The following VPS13B variants were observed in gnomAD, a reference collection of about 807,000 sequenced individuals.
VPS13B encodes the protein intermembrane lipid transfer protein VPS13B.
In VPS13B, 285 loss-of-function variants were observed where a neutral mutation model predicts 426.4. That is an observed-to-expected ratio of 0.67 (90% confidence interval 0.61 to 0.74). VPS13B has a LOEUF of 0.74. Ranked by LOEUF, VPS13B falls within the 30% of genes least tolerant of loss-of-function variation. The pLI is 0.00. For synonymous variants in VPS13B, 1,676 were observed against 1,676.4 expected (o/e 1.00, Z 0.01); for missense variants, 4,537 against 4,782.6 (o/e 0.95, Z 1.51).
chr8:99,596,341 T>C (rs1827012132), intron 33 of VPS13B, among the ~76,000 whole-genome samples: 1 of 151,990 alleles, frequency 6.6e-6, no homozygotes, highest in Non-Finnish European at 1.5e-5. Context: ...CAGAGAAGTT[T>C]ATTGTGAAAA....
intron 19 of VPS13B, among the ~76,000 whole-genome samples, chr8:99,383,923 T>C (rs142398906): frequency 2.3e-4 from 35 of 152,318 alleles, no homozygotes; most frequent in African/African-American, 8.2e-4. Context: ...ATATGAGCAT[T>C]TGAATACAAG....
In VPS13B at chr8:99,699,649, T is replaced by G; in HGVS notation, c.6171T>G (p.Thr2057=). ...NAHSLAHSEE[T]SAMSNTMVNK... Reference sequence around the variant, plus strand: ...ACAGTTTGGCACATAGTGAAGAGACTTCAGCCATGTCCAACACCATGGTGA... The same window carrying G: ...ACAGTTTGGCACATAGTGAAGAGACGTCAGCCATGTCCAACACCATGGTGA... The change falls in exon 36 of 62, where the codon ACT becomes ACG. Residue 2057 remains threonine, a synonymous_variant. Transcript: ENST00000357162. 1 of 1,614,162 alleles carries G rather than the reference T, an allele frequency of 6.2e-7. No individual in the cohort carries two copies. Among genetic ancestry groups the G allele is most frequent in the South Asian group, 1.1e-5 (1 of 91,080 alleles).
At chr8:99,446,725 C>A (rs1264607233) in intron 23 of VPS13B, among the ~76,000 whole-genome samples, 2 of 152,082 alleles carry the variant, frequency 1.3e-5, no homozygotes, top group Non-Finnish European at 2.9e-5. Flanking sequence ...GTCTAACATA[C>A]AGAAAATGGT....
At chr8:99,472,856 T>G (rs1429710856) in intron 24 of VPS13B, among the ~76,000 whole-genome samples, 1 of 151,954 alleles carries the variant, frequency 6.6e-6, no homozygotes, top group Non-Finnish European at 1.5e-5. Flanking sequence ...TTGATAACAT[T>G]AAAAGCATAA....
intron 3 of VPS13B, among the ~76,000 whole-genome samples, chr8:99,048,382 G>A (rs369763306): frequency 1.5e-3 from 236 of 152,302 alleles, no homozygotes; most frequent in African/African-American, 5.2e-3. Flanking sequence ...CCAGGGTATA[G>A]TTTAAATCCA....
intron 22 of VPS13B, among the ~76,000 whole-genome samples, chr8:99,432,704 T>G (rs1418894409): frequency 6.6e-6 from 1 of 152,232 alleles, no homozygotes; most frequent in Non-Finnish European, 1.5e-5. Context: ...TGGAAGAAGC[T>G]GAAATTATAA....
At chr8:99,131,635 TAC>T (rs1312996550) in intron 8 of VPS13B, among the ~76,000 whole-genome samples, 7 of 152,208 alleles carry the variant, frequency 4.6e-5, no homozygotes, top group Non-Finnish European at 8.8e-5. Context: ...CCACTATATA[TAC>T]CTTAATTAAA....
Position 99,115,854 on chromosome 8 carries a change from A to C in VPS13B, c.917A>C (p.Asp306Ala). Residue 306 changes from aspartate to alanine, a missense_variant, in exon 7 of 62, where the codon GAT becomes GCT. This residue lies in a region of VPS13B where 4,311 missense variants were observed against 4,474.3 expected (regional missense o/e 0.96). Transcript: ENST00000357162. ...EIEDLTCHNK[D>A]MLGNITGSED... is the part of the protein sequence containing the mutation. ...GAGGACCTTACTTGTCATAATAAAG[A>C]TATGCTAGGAAACATTACAGGTAAT... The C allele has an allele frequency of 6.2e-7, 1 of 1,613,316 alleles. No individual in the cohort carries two copies.
At chr8:99,325,551 T>C (rs1810204634) in intron 19 of VPS13B, among the ~76,000 whole-genome samples, 1 of 152,240 alleles carries the variant, frequency 6.6e-6, no homozygotes, top group African/African-American at 2.4e-5. Flanking sequence ...GTGAAATGTA[T>C]TATTCAAAGC....
intron 23 of VPS13B, among the ~76,000 whole-genome samples, chr8:99,444,239 C>T (rs146624200): frequency 4.6e-5 from 7 of 152,194 alleles, no homozygotes; most frequent in African/African-American, 1.7e-4. Flanking sequence ...GCTGGGACTA[C>T]AGGCACTTGC....
chr8:99,308,546 A>G (rs1417767435), intron 19 of VPS13B, among the ~76,000 whole-genome samples: 1 of 152,162 alleles, frequency 6.6e-6, no homozygotes, highest in Non-Finnish European at 1.5e-5. Flanking sequence ...TCCATGGTGT[A>G]TATGTGCCAC....
chr8:99,413,906 G>A (rs1815836344), intron 21 of VPS13B, among the ~76,000 whole-genome samples: 1 of 152,186 alleles, frequency 6.6e-6, no homozygotes, highest in African/African-American at 2.4e-5. Flanking sequence ...ATATTCTGTT[G>A]ATTTGGGGTG....
chr8:99,561,688 A>G (rs1824930009), intron 31 of VPS13B, among the ~76,000 whole-genome samples: 1 of 152,208 alleles, frequency 6.6e-6, no homozygotes, highest in African/African-American at 2.4e-5. Flanking sequence ...AGGTTAAGCT[A>G]TGATGTTTGA....
chr8:99,023,433 A>G (rs1563488575), intron 2 of VPS13B, among the ~76,000 whole-genome samples: 1 of 151,286 alleles, frequency 6.6e-6, no homozygotes, highest in African/African-American at 2.4e-5. Flanking sequence ...TTTTTCTGGC[A>G]TAATAGTATT....
chr8:99,604,740 T>C (rs1827493788), intron 33 of VPS13B, among the ~76,000 whole-genome samples: 1 of 152,112 alleles, frequency 6.6e-6, no homozygotes, highest in African/African-American at 2.4e-5. Context: ...TCCACCCGCC[T>C]CGGCCCCCCA....
Position 99,809,533 on chromosome 8 carries a change from A to G in VPS13B, c.8097+3A>G. 1 of 1,613,970 alleles carries G rather than the reference A, an allele frequency of 6.2e-7. No homozygotes were observed. Among genetic ancestry groups the G allele is most frequent in the Non-Finnish European group, 8.5e-7 (1 of 1,179,916 alleles). Reference sequence around the variant, plus strand: ...AACTCAATGGAGTACAAAAACAGGTAAGTTTCTTTGTGTTCATGACCCAGA... The same window carrying G: ...AACTCAATGGAGTACAAAAACAGGTGAGTTTCTTTGTGTTCATGACCCAGA... On this transcript the variant is annotated splice_donor_region_variant and intron_variant, in intron 44 of 61. Transcript: ENST00000357162.
At position 99,846,189 on chromosome 8, in the gene VPS13B, A is replaced by C. The variant is rs550445895; in HGVS notation, c.9943-2587A>C. On this transcript the variant is annotated intron_variant, in intron 54 of 61. Coordinates refer to ENST00000357162, the MANE Select transcript of VPS13B (RefSeq NM_152564.5). ...GTTGTAAGTACTGAAGAAAACACAC[A>C]CAAAACCATTGCCCTCATGGAACTT... is the stretch of plus-strand genomic sequence containing the variant. Among the ~76,000 whole-genome samples the C allele has an allele frequency of 1.2e-3, 188 of 152,336 alleles. 2 individuals are homozygous for C. The highest frequency in any genetic ancestry group is 3.5e-3 in the Admixed American group (53 of 15,306).
intron 30 of VPS13B, among the ~76,000 whole-genome samples, chr8:99,548,452 A>G (rs1824105364): frequency 6.6e-6 from 1 of 152,090 alleles, no homozygotes; most frequent in South Asian, 2.1e-4. Context: ...GAGATGTGAA[A>G]TATCTTTCAG....
intron 19 of VPS13B, among the ~76,000 whole-genome samples, chr8:99,380,584 C>A (rs1813741496): frequency 6.6e-6 from 1 of 151,906 alleles, no homozygotes; most frequent in South Asian, 2.1e-4. Context: ...AATAGAACTA[C>A]ATGGTAGAAT....
Sources: gnomAD v4.1 joint callset for allele counts (sites outside exome capture counted in the v4.1 genomes callset) on GRCh38, gnomAD v4.1.1 for gene constraint, gnomAD v4.1.1 regional missense constraint, MANE v1.5 for transcripts, NCBI Gene and HGNC (gene_info 2026-07-23, HGNC 2026-07-21) for gene names.